The following ZNG1B variants were observed in gnomAD, a reference collection of about 807,000 sequenced individuals.
ZNG1B encodes the protein zinc-regulated GTPase metalloprotein activator 1B.
the ZNG1B span, among the ~76,000 whole-genome samples, chr2:113,454,588 G>A: frequency 6.6e-6 from 1 of 150,698 alleles, no homozygotes; most frequent in Non-Finnish European, 1.5e-5. Flanking sequence ...TTAAATGGCA[G>A]CACTGGCAAG....
At chr2:113,472,117 C>G in the ZNG1B span, among the ~76,000 whole-genome samples, 2 of 148,442 alleles carry the variant, frequency 1.3e-5, no homozygotes, top group Non-Finnish European at 1.5e-5. Context: ...AAAAGTGTTC[C>G]TATTTCTCCA....
At chr2:113,455,501 G>A in the ZNG1B span, 4 of 868,472 alleles carry the variant, frequency 4.6e-6, no homozygotes, top group Non-Finnish European at 6.6e-6. Flanking sequence ...CATTTAGTAA[G>A]ATCTTTAAAA....
chr2:113,460,717 T>A, the ZNG1B span: 1 of 1,594,230 alleles, frequency 6.3e-7, no homozygotes, highest in Non-Finnish European at 8.5e-7. Flanking sequence ...ATGAAGCTAC[T>A]AGGTATTCAT....
the ZNG1B span, among the ~76,000 whole-genome samples, chr2:113,451,345 GC>G: frequency 7.0e-6 from 1 of 143,424 alleles, no homozygotes; most frequent in Non-Finnish European, 1.5e-5. Flanking sequence ...ATATTTGGTT[GC>G]TGCTAATAAA....
At chr2:113,454,041 G>T in the ZNG1B span, among the ~76,000 whole-genome samples, 3 of 151,728 alleles carry the variant, frequency 2.0e-5, no homozygotes, top group African/African-American at 7.3e-5. Flanking sequence ...AAAACCAGTC[G>T]AAATTTTCTT....
the ZNG1B span, chr2:113,495,208 G>T: frequency 6.6e-7 from 1 of 1,509,372 alleles, no homozygotes; most frequent in Non-Finnish European, 8.9e-7. Context: ...CCAGTGAGCT[G>T]GAAGGATGAC....
At chr2:113,489,232 C>T in the ZNG1B span, among the ~76,000 whole-genome samples, 35,470 of 139,512 alleles carry the variant, frequency 0.25, 5,030 homozygotes, top group East Asian at 0.49. Context: ...AATTATCAGC[C>T]GAGAATTTTG....
At chr2:113,459,999 A>T in the ZNG1B span, among the ~76,000 whole-genome samples, 2 of 143,070 alleles carry the variant, frequency 1.4e-5, no homozygotes, top group Non-Finnish European at 3.0e-5. Context: ...AGTTAGCCTG[A>T]CTCTGGAGAG....
At chr2:113,461,622 A>C in the ZNG1B span, among the ~76,000 whole-genome samples, 3 of 151,730 alleles carry the variant, frequency 2.0e-5, no homozygotes, top group African/African-American at 7.2e-5. Flanking sequence ...CTATCCTGTT[A>C]ATAGAAAATA....
the ZNG1B span, among the ~76,000 whole-genome samples, chr2:113,438,518 C>G: frequency 6.6e-6 from 1 of 152,064 alleles, no homozygotes; most frequent in Admixed American, 6.6e-5. Flanking sequence ...AGGGAGCGCT[C>G]CTATCTTAAA....
chr2:113,444,905 A>C, the ZNG1B span: 23 of 1,598,256 alleles, frequency 1.4e-5, no homozygotes, highest in Non-Finnish European at 2.0e-5. Flanking sequence ...AAGTGTTTAT[A>C]ATAATCACTT....
At chr2:113,478,423 G>A in the ZNG1B span, among the ~76,000 whole-genome samples, 3,046 of 151,866 alleles carry the variant, frequency 0.02, 49 homozygotes, top group Non-Finnish European at 0.03. Flanking sequence ...CCACAGGCAT[G>A]TGTCACCATG....
At chr2:113,445,711 A>G in the ZNG1B span, among the ~76,000 whole-genome samples, 1 of 148,434 alleles carries the variant, frequency 6.7e-6, no homozygotes, top group Non-Finnish European at 1.5e-5. Flanking sequence ...TTTTCCCCAA[A>G]TAACTTTTAG....
At chr2:113,471,546 T>C in the ZNG1B span, among the ~76,000 whole-genome samples, 4 of 151,998 alleles carry the variant, frequency 2.6e-5, no homozygotes, top group Non-Finnish European at 5.9e-5. Context: ...GTTAGTTACA[T>C]ATGTATACAT....
the ZNG1B span, among the ~76,000 whole-genome samples, chr2:113,448,617 GT>G: frequency 6.6e-6 from 1 of 151,486 alleles, no homozygotes; most frequent in Admixed American, 6.6e-5. Context: ...TTAAAAATCT[GT>G]TGCTGGCCGG....
At chr2:113,438,034 T>C in the ZNG1B span, 4 of 1,611,832 alleles carry the variant, frequency 2.5e-6, no homozygotes. Flanking sequence ...TAACTAACCA[T>C]CCCAGTCACA....
chr2:113,477,103 G>A, the ZNG1B span, among the ~76,000 whole-genome samples: 3 of 152,166 alleles, frequency 2.0e-5, no homozygotes, highest in Non-Finnish European at 2.9e-5. Context: ...AATGGCGGGC[G>A]CCCCTCCCCC....
chr2:113,446,760 G>A, the ZNG1B span, among the ~76,000 whole-genome samples: 6 of 129,066 alleles, frequency 4.6e-5, no homozygotes, highest in Admixed American at 1.6e-4. Context: ...ACACACACAC[G>A]CACATGCACA....
chr2:113,462,402 T>C, the ZNG1B span: 9 of 1,598,178 alleles, frequency 5.6e-6, no homozygotes, highest in Admixed American at 1.5e-4. Flanking sequence ...CTGTTTGCTA[T>C]TTTAGGCAAG....
Sources: allele counts gnomAD v4.1 joint callset (sites outside exome capture counted in the v4.1 genomes callset), GRCh38; gene constraint gnomAD v4.1.1; transcripts MANE v1.5; gene names NCBI Gene and HGNC (gene_info 2026-07-23, HGNC 2026-07-21).